Variants in ERG observed in about 807,000 individuals in gnomAD.
The protein encoded by ERG is transcriptional regulator ERG.
A neutral mutation model predicts 55.3 loss-of-function variants in ERG; 9 were observed. The observed-to-expected ratio is 0.16, with a 90% CI of 0.10 to 0.28. ERG has a LOEUF of 0.28. Ranked by LOEUF, ERG falls within the 10% of genes least tolerant of loss-of-function variation. The pLI is 1.00. For synonymous variants in ERG, 223 were observed against 237.3 expected (o/e 0.94, Z 0.55); for missense variants, 434 against 631.6 (o/e 0.69, Z 3.35).
At chr21:38,486,460 T>G (rs1439996169) in intron 1 of ERG, among the ~76,000 whole-genome samples, 3 of 152,192 alleles carry the variant, frequency 2.0e-5, no homozygotes, top group Non-Finnish European at 4.4e-5. Context: ...ATCTAACAAC[T>G]CATTTCTCAG....
intron 2 of ERG, among the ~76,000 whole-genome samples, chr21:38,438,763 C>T (rs987339975): frequency 6.6e-6 from 1 of 152,234 alleles, no homozygotes; most frequent in Non-Finnish European, 1.5e-5. Flanking sequence ...AGATCATTCG[C>T]TGGGTGGGTC....
chr21:38,396,098 A>T lies in ERG; in HGVS notation c.746-3654T>A, dbSNP rs1353218320. ...GAGATTTGCCTGCTCTTGAAATTAG[A>T]TGCTAATGGGGAACACAAATTAGGA... On this transcript the variant is annotated intron_variant, in intron 6 of 9. Coordinates refer to ENST00000288319, the MANE Select transcript of ERG (RefSeq NM_182918.4). Among the ~76,000 whole-genome samples the T allele has an allele frequency of 2.6e-5, 4 of 152,320 alleles. No individual in the cohort carries two copies. In the East Asian group the frequency reaches 7.7e-4, roughly 29 times the overall value.
At chr21:38,416,659 A>T (rs960949184) in intron 3 of ERG, among the ~76,000 whole-genome samples, 11 of 152,252 alleles carry the variant, frequency 7.2e-5, no homozygotes, top group African/African-American at 2.4e-4. Flanking sequence ...GAATATCCAC[A>T]TTTAAGTAAG....
rs139612253 is a variant in ERG at position 38,461,949 on chromosome 21, C to T, written c.19-16328G>A. Among the ~76,000 whole-genome samples the T allele has an allele frequency of 7.2e-3, 1,100 of 151,770 alleles. 12 individuals carry two copies. Among genetic ancestry groups the T allele is most frequent in the African/African-American group, 0.025 (1,021 of 41,380 alleles). ...CCTCCTGAATAGCTGGGATTACAGG[C>T]GTGTCCCACCATGCCTGGCTAATTT... is the stretch of plus-strand genomic sequence containing the variant. On this transcript the variant is annotated intron_variant, in intron 1 of 9. Coordinates refer to ENST00000288319, the MANE Select transcript of ERG (RefSeq NM_182918.4).
At chr21:38,495,726 A>G (rs1052135391) in intron 1 of ERG, among the ~76,000 whole-genome samples, 5 of 152,168 alleles carry the variant, frequency 3.3e-5, no homozygotes, top group Non-Finnish European at 7.4e-5. Context: ...CAAATTGCAG[A>G]TGGCATTAAA....
intron 2 of ERG, among the ~76,000 whole-genome samples, chr21:38,543,355 G>A (rs1007424792): frequency 1.6e-5 from 1 of 61,534 alleles, no homozygotes; most frequent in African/African-American, 4.2e-5. Context: ...GTATATGTGT[G>A]TTTTTTTTTA....
chr21:38,605,380 T>C (rs1306469472), intron 1 of ERG, among the ~76,000 whole-genome samples: 1 of 152,118 alleles, frequency 6.6e-6, no homozygotes, highest in Non-Finnish European at 1.5e-5. Context: ...CACCACATGG[T>C]AGACTCGCCT....
chr21:38,626,730 C>A (rs902904099), intron 1 of ERG, among the ~76,000 whole-genome samples: 1 of 151,896 alleles, frequency 6.6e-6, no homozygotes, highest in African/African-American at 2.4e-5. Flanking sequence ...ACATTACTGG[C>A]TAAATAAGGG....
rs1376206011 is a variant in ERG at position 38,531,553 on chromosome 21, A to C, written c.-41+44109T>G. 2.0e-5 allele frequency among the ~76,000 whole-genome samples: 3 copies of C among 152,354 alleles called. No individual in the cohort carries two copies. In the East Asian group the frequency reaches 5.8e-4, roughly 29 times the overall value. On this transcript the variant is annotated intron_variant, in intron 2 of 8. Coordinates refer to the ERG transcript ENST00000398897. ...CCTTAACTGGTAAAAGACTTTAAAA[A>C]AAAATAAGATGCCATTTTTAATTGT...
chr21:38,486,317 G>A (rs1212148950), intron 1 of ERG, among the ~76,000 whole-genome samples: 2 of 152,142 alleles, frequency 1.3e-5, no homozygotes, highest in East Asian at 3.9e-4. Context: ...ACAGTATTCA[G>A]CCTGGTCACA....
intron 3 of ERG, among the ~76,000 whole-genome samples, chr21:38,405,949 G>A (rs1465595185): frequency 2.0e-4 from 30 of 151,706 alleles, no homozygotes; most frequent in East Asian, 1.9e-4. Flanking sequence ...TCAGGAGATC[G>A]AGACCATCCT....
intron 2 of ERG, among the ~76,000 whole-genome samples, chr21:38,568,984 TAGGGGGTGAGCC>T (rs965626430): frequency 1.5e-4 from 23 of 152,252 alleles, no homozygotes; most frequent in Admixed American, 1.3e-4. Flanking sequence ...ACAGGGGTGA[TAGGGGGTGAGCC>T]AGTGGAGCAG....
At chr21:38,609,152 A>C (rs2060211878) in intron 1 of ERG, among the ~76,000 whole-genome samples, 1 of 152,228 alleles carries the variant, frequency 6.6e-6, no homozygotes, top group African/African-American at 2.4e-5. Flanking sequence ...TACTCCAGAC[A>C]GTAACAAGGG....
At chr21:38,618,080 T>C (rs1420854649) in intron 1 of ERG, among the ~76,000 whole-genome samples, 1 of 152,170 alleles carries the variant, frequency 6.6e-6, no homozygotes, top group African/African-American at 2.4e-5. Flanking sequence ...ACAATGGGAA[T>C]GGGGAGAGCA....
intron 5 of ERG, 45 bp from the exon 6 acceptor site, chr21:38,400,690 G>C (rs372625939): frequency 1.4e-6 from 2 of 1,479,236 alleles, no homozygotes; most frequent in Admixed American, 3.5e-5. Flanking sequence ...CTTTTGTTGT[G>C]GTTGTCGATC....
chr21:38,395,140 A>G (rs559813792), intron 6 of ERG, among the ~76,000 whole-genome samples: 1 of 152,236 alleles, frequency 6.6e-6, no homozygotes. Flanking sequence ...GCCGCGGAAG[A>G]TAAGTGGGCT....
chr21:38,447,997 C>T (rs928350769), intron 1 of ERG, among the ~76,000 whole-genome samples: 1 of 141,854 alleles, frequency 7.0e-6, no homozygotes, highest in Non-Finnish European at 1.6e-5. Context: ...CAAGCAATAA[C>T]TTTAAAGTAT....
intron 9 of ERG, among the ~76,000 whole-genome samples, chr21:38,385,073 T>G (rs966459053): frequency 6.6e-6 from 1 of 152,218 alleles, no homozygotes; most frequent in Non-Finnish European, 1.5e-5. Flanking sequence ...AGTCAGAATT[T>G]TCTTGATTTC....
chr21:38,497,710 C>T (rs1308655845), intron 1 of ERG, among the ~76,000 whole-genome samples: 1 of 152,216 alleles, frequency 6.6e-6, no homozygotes, highest in Non-Finnish European at 1.5e-5. Context: ...TCTCCGCAAA[C>T]CTAACCATTG....
Sources: allele counts gnomAD v4.1 joint callset (sites outside exome capture counted in the v4.1 genomes callset), GRCh38; gene constraint gnomAD v4.1.1; transcripts MANE v1.5; gene names NCBI Gene and HGNC (gene_info 2026-07-23, HGNC 2026-07-21).